The following MAPRE2 variants were observed in gnomAD, a reference collection of about 807,000 sequenced individuals.
MAPRE2 encodes the protein microtubule associated protein RP/EB family member 2, also known as microtubule-associated protein RP/EB family member 2.
A neutral mutation model predicts 43.2 loss-of-function variants in MAPRE2; 13 were observed. The ratio of observed to expected loss-of-function variants is 0.30; its 90% CI spans 0.20 to 0.48. The LOEUF (loss-of-function observed/expected upper bound fraction) is 0.48, where lower values mean the gene tolerates loss of function less well. MAPRE2 is among the 20% of genes least tolerant of loss of function. MAPRE2 has a pLI of 0.99. For missense variants in MAPRE2, 161 were observed against 400.2 expected (o/e 0.40, Z 5.10); for synonymous variants, 135 against 148.8 (o/e 0.91, Z 0.68).
chr18:34,993,607 T>C (rs1464013861), intron 1 of MAPRE2, among the ~76,000 whole-genome samples: 1 of 152,196 alleles, frequency 6.6e-6, no homozygotes, highest in African/African-American at 2.4e-5. Context: ...GAAGTCGGAA[T>C]CATTTCTTCT....
chr18:34,986,391 C>T (rs1177014844), intron 1 of MAPRE2, among the ~76,000 whole-genome samples: 2 of 152,108 alleles, frequency 1.3e-5, no homozygotes, highest in Non-Finnish European at 2.9e-5. Flanking sequence ...TTAGCTCTCC[C>T]ACTGAGCAGC....
At chr18:35,127,308 C>T in intron 5 of MAPRE2, 1 of 498,058 alleles carries the variant, frequency 2.0e-6, no homozygotes, top group Non-Finnish European at 3.6e-6. Flanking sequence ...TAAGATGGGG[C>T]AGATGGCTCA....
In MAPRE2 at chr18:34,999,276, GA is replaced by G. The variant is rs1339094517; in HGVS notation, c.-69-6213del. Among the ~76,000 whole-genome samples the G allele has an allele frequency of 4.6e-5, 7 of 152,260 alleles. No individual in the cohort carries two copies. In the East Asian group the frequency reaches 1.4e-3, roughly 29 times the overall value. On this transcript the variant is annotated intron_variant, in intron 1 of 7. Transcript: ENST00000413393. ...GATAAGTGAAAATAATGTAATTATA[GA>G]AACACTTTACAGAACTATAATATAT...
At chr18:34,984,234 T>G (rs1271481038) in intron 1 of MAPRE2, among the ~76,000 whole-genome samples, 1 of 152,210 alleles carries the variant, frequency 6.6e-6, no homozygotes, top group African/African-American at 2.4e-5. Context: ...CTCAATTTTT[T>G]ATTGTAAGTG....
chr18:34,987,196 A>G (rs1284079962), intron 1 of MAPRE2, among the ~76,000 whole-genome samples: 4 of 152,210 alleles, frequency 2.6e-5, no homozygotes, highest in Non-Finnish European at 5.9e-5. Context: ...AAATACTTCA[A>G]TAGGTATATT....
At chr18:34,980,031 CTT>C (rs796434537) in intron 1 of MAPRE2, among the ~76,000 whole-genome samples, 378 of 46,016 alleles carry the variant, frequency 8.2e-3, no homozygotes, top group African/African-American at 0.024. Context: ...TTCTTTTTTT[CTT>C]TTTTTTTTTT....
chr18:35,035,723 T>G (rs2097050209), intron 2 of MAPRE2, among the ~76,000 whole-genome samples: 2 of 150,476 alleles, frequency 1.3e-5, no homozygotes, highest in African/African-American at 4.9e-5. Flanking sequence ...TTGTGAGACC[T>G]GCTTCTCCTA....
chr18:35,070,573 CT>C, intron 2 of MAPRE2: 1 of 268,394 alleles, frequency 3.7e-6, no homozygotes, highest in Non-Finnish European at 7.0e-6. Flanking sequence ...TTCGTAATGC[CT>C]TTCACTGGCT....
chr18:35,078,658 T>A (rs1907487755), intron 2 of MAPRE2, among the ~76,000 whole-genome samples: 1 of 152,208 alleles, frequency 6.6e-6, no homozygotes, highest in Non-Finnish European at 1.5e-5. Flanking sequence ...AAGGGTTCAC[T>A]GTGTGTTTGC....
chr18:35,026,508 CTTTT>C (rs924155449), intron 2 of MAPRE2, among the ~76,000 whole-genome samples: 65 of 147,208 alleles, frequency 4.4e-4, no homozygotes, highest in African/African-American at 1.5e-3. Flanking sequence ...GGAGATTTGA[CTTTT>C]TTTTTTTAGT....
At chr18:35,099,489 C>T (rs1037414574) in intron 3 of MAPRE2, among the ~76,000 whole-genome samples, 1 of 152,068 alleles carries the variant, frequency 6.6e-6, no homozygotes, top group South Asian at 2.1e-4. Flanking sequence ...GTGGCACATA[C>T]GTGTAGGCTC....
chr18:35,090,741 AAAAAAG>A (rs1908106483), intron 2 of MAPRE2, among the ~76,000 whole-genome samples: 2 of 150,390 alleles, frequency 1.3e-5, no homozygotes, highest in Non-Finnish European at 2.9e-5. Flanking sequence ...CAAAAAAAAA[AAAAAAG>A]AAAAAGAAAA....
chr18:35,115,099 G>A lies in MAPRE2; in HGVS notation c.611-11849G>A, dbSNP rs1022226272. 3.9e-5 allele frequency among the ~76,000 whole-genome samples: 6 copies of A among 152,006 alleles called. No individual in the cohort carries two copies. In the East Asian group the frequency reaches 9.6e-4, roughly 24 times the overall value. On this transcript the variant is annotated intron_variant, in intron 4 of 6. Transcript: ENST00000300249. Reference sequence around the variant, plus strand: ...AATTTTCTAGAATCCCTTTGAATTGGGTGAACTACACTATAACTCAACTTT... The same window carrying A: ...AATTTTCTAGAATCCCTTTGAATTGAGTGAACTACACTATAACTCAACTTT...
chr18:35,008,126 A>T (rs1465492052), intron 2 of MAPRE2, among the ~76,000 whole-genome samples: 1 of 152,032 alleles, frequency 6.6e-6, no homozygotes, highest in Non-Finnish European at 1.5e-5. Flanking sequence ...CTTGTTTCTC[A>T]TCCAAATCTG....
intron 4 of MAPRE2, among the ~76,000 whole-genome samples, chr18:35,113,290 C>T (rs1381040098): frequency 6.6e-6 from 1 of 152,166 alleles, no homozygotes; most frequent in Non-Finnish European, 1.5e-5. Context: ...ATAGGAATCT[C>T]CTGGCAGCGT....
intron 2 of MAPRE2, among the ~76,000 whole-genome samples, chr18:35,075,995 CT>C (rs1894845149): frequency 6.6e-6 from 1 of 152,024 alleles, no homozygotes. Context: ...TTTCTTGGGA[CT>C]TTTTGTTTGT....
intron 4 of MAPRE2, among the ~76,000 whole-genome samples, chr18:35,122,849 ACT>A (rs538525526): frequency 6.6e-6 from 1 of 152,178 alleles, no homozygotes; most frequent in Non-Finnish European, 1.5e-5. Flanking sequence ...TAGGGCCGAG[ACT>A]CTGCTGAACC....
At chr18:35,014,476 T>G (rs948423886) in intron 2 of MAPRE2, among the ~76,000 whole-genome samples, 1 of 151,956 alleles carries the variant, frequency 6.6e-6, no homozygotes, top group Admixed American at 6.6e-5. Context: ...AAGCTCTTCT[T>G]TGGGGAAACG....
At chr18:35,128,745 CT>C (rs1251829628) in intron 5 of MAPRE2, among the ~76,000 whole-genome samples, 1 of 152,136 alleles carries the variant, frequency 6.6e-6, no homozygotes, top group African/African-American at 2.4e-5. Context: ...AACCCAAATT[CT>C]TTTGGTATCT....
Sources: allele counts gnomAD v4.1 joint callset (sites outside exome capture counted in the v4.1 genomes callset), GRCh38; gene constraint gnomAD v4.1.1; transcripts MANE v1.5; gene names NCBI Gene and HGNC (gene_info 2026-07-23, HGNC 2026-07-21).